The following TNIK variants were observed in gnomAD, a reference collection of about 807,000 sequenced individuals.
The protein encoded by TNIK is TRAF2 and NCK interacting kinase, also known as TRAF2 and NCK-interacting protein kinase.
In TNIK, 49 loss-of-function variants were observed where a neutral mutation model predicts 191.3. The observed-to-expected ratio is 0.26, with a 90% CI of 0.20 to 0.32. The LOEUF is 0.32. TNIK is among the 10% of genes least tolerant of loss of function. The pLI is 1.00. For missense variants in TNIK, 1,155 were observed against 1,702.3 expected, an observed-to-expected ratio of 0.68 and a Z score of 5.66; for synonymous variants, 594 against 600.9, an observed-to-expected ratio of 0.99 and a Z score of 0.17.
chr3:171,227,168 A>G (rs1743068429), intron 3 of TNIK, among the ~76,000 whole-genome samples: 1 of 152,126 alleles, frequency 6.6e-6, no homozygotes, highest in South Asian at 2.1e-4. Flanking sequence ...TTTGCTGTGT[A>G]CTCTTGAAAA....
chr3:171,408,751 A>C (rs1722028447), intron 1 of TNIK, among the ~76,000 whole-genome samples: 1 of 152,038 alleles, frequency 6.6e-6, no homozygotes, highest in African/African-American at 2.4e-5. Context: ...ACCTCTTCTT[A>C]TTTTCCCTCT....
At chr3:171,275,678 T>C (rs181192470) in intron 2 of TNIK, among the ~76,000 whole-genome samples, 16 of 152,114 alleles carry the variant, frequency 1.1e-4, no homozygotes, top group Admixed American at 5.9e-4. Flanking sequence ...GGGCGGATCA[T>C]GAGGACAGGA....
intron 18 of TNIK, among the ~76,000 whole-genome samples, chr3:171,118,153 C>G (rs1560138684): frequency 6.6e-6 from 1 of 152,078 alleles, no homozygotes; most frequent in African/African-American, 2.4e-5. Context: ...CAATAACAGA[C>G]AGAGAGACAA....
chr3:171,168,259 C>T (rs1734853029), intron 9 of TNIK, among the ~76,000 whole-genome samples: 1 of 152,216 alleles, frequency 6.6e-6, no homozygotes, highest in African/African-American at 2.4e-5. Flanking sequence ...CCAAGGCACT[C>T]CAGGAGACCT....
At chr3:171,068,356 A>G (rs1718732254) in intron 30 of TNIK, among the ~76,000 whole-genome samples, 1 of 152,182 alleles carries the variant, frequency 6.6e-6, no homozygotes, top group Admixed American at 6.5e-5. Context: ...TGTGTCCATT[A>G]CTGCAAAGCT....
At chr3:171,101,055 T>C (rs948619209) in intron 22 of TNIK, among the ~76,000 whole-genome samples, 1 of 152,138 alleles carries the variant, frequency 6.6e-6, no homozygotes, top group African/African-American at 2.4e-5. Context: ...ATGAAATACA[T>C]GTTTTATGTT....
At chr3:171,236,567 T>C (rs1167914757) in intron 2 of TNIK, among the ~76,000 whole-genome samples, 3 of 152,164 alleles carry the variant, frequency 2.0e-5, no homozygotes, top group Non-Finnish European at 4.4e-5. Flanking sequence ...GTCCAGACGC[T>C]GCCCTGCCAA....
intron 1 of TNIK, among the ~76,000 whole-genome samples, chr3:171,436,008 C>T (rs1725986353): frequency 6.6e-6 from 1 of 152,118 alleles, no homozygotes; most frequent in African/African-American, 2.4e-5. Flanking sequence ...TAAGACACAA[C>T]ACATGCAGAC....
intron 1 of TNIK, among the ~76,000 whole-genome samples, chr3:171,370,937 T>C (rs1056457553): frequency 2.6e-5 from 4 of 152,126 alleles, no homozygotes; most frequent in African/African-American, 9.7e-5. Context: ...ATGCCATATA[T>C]TATTACAATG....
intron 18 of TNIK, among the ~76,000 whole-genome samples, chr3:171,113,221 CT>C (rs779653697): frequency 6.6e-6 from 1 of 152,050 alleles, no homozygotes; most frequent in African/African-American, 2.4e-5. Context: ...CTTGTGGAGT[CT>C]TTGTATTTTT....
At chr3:171,285,635 G>T (rs1033721530) in intron 2 of TNIK, among the ~76,000 whole-genome samples, 1 of 152,092 alleles carries the variant, frequency 6.6e-6, no homozygotes, top group Non-Finnish European at 1.5e-5. Context: ...TTATTAAGAG[G>T]CACCCATTTT....
At chr3:171,340,284 C>T (rs749751782) in intron 2 of TNIK, among the ~76,000 whole-genome samples, 1 of 152,060 alleles carries the variant, frequency 6.6e-6, no homozygotes, top group Admixed American at 6.5e-5. Flanking sequence ...TCTACATTTC[C>T]ACAATAAGCA....
At chr3:171,315,399 C>T (rs900173373) in intron 2 of TNIK, among the ~76,000 whole-genome samples, 2 of 152,150 alleles carry the variant, frequency 1.3e-5, no homozygotes, top group African/African-American at 4.8e-5. Flanking sequence ...ACACAATACT[C>T]TATTCATTCT....
At chr3:171,324,218 G>A (rs1755496962) in intron 2 of TNIK, among the ~76,000 whole-genome samples, 1 of 152,076 alleles carries the variant, frequency 6.6e-6, no homozygotes, top group Non-Finnish European at 1.5e-5. Flanking sequence ...GAGCATTTGG[G>A]TAAAGCTCTA....
chr3:171,156,379 A>C (rs941140537), intron 12 of TNIK, among the ~76,000 whole-genome samples: 4 of 152,214 alleles, frequency 2.6e-5, no homozygotes, highest in African/African-American at 9.6e-5. Flanking sequence ...GGTGACTGCA[A>C]TTCACCACCC....
chr3:171,460,269 C>T lies in TNIK; in HGVS notation c.-206G>A, dbSNP rs1729322445. 1 of 643,252 alleles carries T rather than the reference C, an allele frequency of 1.6e-6. No individual in the cohort carries two copies. The highest frequency in any genetic ancestry group is 2.8e-5 in the East Asian group (1 of 36,040). 39.8% of individuals were successfully genotyped at this position (643,252 alleles called of 1,614,324 possible). ...GCCGGGTCCGGGAGCCCAGCCTGCGCGGATCTCCAAGCCCCGAGCAGCGGT... is the reference window on the plus strand; with the variant it reads ...GCCGGGTCCGGGAGCCCAGCCTGCGTGGATCTCCAAGCCCCGAGCAGCGGT... On this transcript the variant is annotated 5_prime_UTR_variant, in exon 1 of 33. Coordinates refer to ENST00000436636, the MANE Select transcript of TNIK (RefSeq NM_015028.4). This position sits in a 1 kb window ranked among gnomAD's most constrained non-coding sequence, Gnocchi z 6.8.
intron 2 of TNIK, among the ~76,000 whole-genome samples, chr3:171,303,619 C>A (rs924625251): frequency 3.9e-5 from 6 of 152,164 alleles, no homozygotes; most frequent in African/African-American, 1.4e-4. Context: ...GAATTTGGGG[C>A]ATTTTATGGC....
chr3:171,357,734 T>G (rs1243659427), intron 2 of TNIK, among the ~76,000 whole-genome samples: 1 of 152,108 alleles, frequency 6.6e-6, no homozygotes, highest in East Asian at 1.9e-4. Context: ...GGGCAGGTGC[T>G]GCCTGAACCA....
intron 1 of TNIK, among the ~76,000 whole-genome samples, chr3:171,371,770 G>T (rs1414692083): frequency 6.6e-6 from 1 of 150,990 alleles, no homozygotes; most frequent in Admixed American, 6.6e-5. Flanking sequence ...AAGAAATGAG[G>T]AAAAGAAAAA....
Sources: allele counts gnomAD v4.1 joint callset (sites outside exome capture counted in the v4.1 genomes callset), GRCh38; gene constraint gnomAD v4.1.1; non-coding constraint Gnocchi (gnomAD v3.1); transcripts MANE v1.5; gene names NCBI Gene and HGNC (gene_info 2026-07-23, HGNC 2026-07-21).